SLC8A1: variants seen among roughly 807,000 people sequenced by gnomAD.
The protein encoded by SLC8A1 is solute carrier family 8 member A1.
In SLC8A1, 18 loss-of-function variants were observed where a neutral mutation model predicts 68.3. That is an observed-to-expected ratio of 0.26 (90% CI 0.18 to 0.39). The LOEUF (loss-of-function observed/expected upper bound fraction) is 0.39, where lower values mean the gene tolerates loss of function less well. SLC8A1 is among the 10% of genes least tolerant of loss of function. The probability of loss-of-function intolerance (pLI) is 1.00; values close to 1 mark genes in which losing one functional copy is unlikely to be tolerated. For synonymous variants in SLC8A1, 475 were observed against 415.5 expected, an observed-to-expected ratio of 1.14 and a Z score of -1.74; for missense variants, 985 against 1,156.7, an observed-to-expected ratio of 0.85 and a Z score of 2.15.
At chr2:40,452,597 T>C (rs1226800493), upstream of SLC8A1, among the ~76,000 whole-genome samples, 1 of 152,074 alleles carries the variant, frequency 6.6e-6, no homozygotes, top group Non-Finnish European at 1.5e-5. Flanking sequence ...CTATCTTTCT[T>C]CCCTCACTTC....
intron 2 of SLC8A1, among the ~76,000 whole-genome samples, chr2:40,200,686 A>G (rs973067483): frequency 6.6e-6 from 1 of 151,712 alleles, no homozygotes; most frequent in Non-Finnish European, 1.5e-5. Context: ...TAATAGTAAA[A>G]GGCCAAATGA....
chr2:40,499,277 G>C (rs1042222644), intron 1 of SLC8A1, among the ~76,000 whole-genome samples: 1 of 152,076 alleles, frequency 6.6e-6, no homozygotes, highest in African/African-American at 2.4e-5. Flanking sequence ...TAGCTCTACT[G>C]TAATTAGCTG....
At chr2:40,451,362 T>C (rs1702447105) in intron 1 of SLC8A1, among the ~76,000 whole-genome samples, 1 of 151,654 alleles carries the variant, frequency 6.6e-6, no homozygotes, top group African/African-American at 2.4e-5. Flanking sequence ...CCGCCACACC[T>C]CCCTCCTCTC....
chr2:40,304,560 T>C (rs1009116218), intron 2 of SLC8A1, among the ~76,000 whole-genome samples: 1 of 152,172 alleles, frequency 6.6e-6, no homozygotes, highest in African/African-American at 2.4e-5. Flanking sequence ...TGGCCTCTCC[T>C]GGGTTTGGCA....
At chr2:40,254,370 C>G (rs898857756) in intron 2 of SLC8A1, 8 of 148,688 alleles carry the variant, frequency 5.4e-5, no homozygotes, top group African/African-American at 1.5e-4. Flanking sequence ...CTTTTTCTAT[C>G]AAAATGCTCT....
intron 2 of SLC8A1, among the ~76,000 whole-genome samples, chr2:40,307,121 A>G (rs1448678146): frequency 6.6e-6 from 1 of 151,358 alleles, no homozygotes; most frequent in Non-Finnish European, 1.5e-5. Flanking sequence ...AGATAAACAG[A>G]TGACTGGCTA....
intron 2 of SLC8A1, among the ~76,000 whole-genome samples, chr2:40,186,163 T>C (rs2050663442): frequency 6.6e-6 from 1 of 152,198 alleles, no homozygotes; most frequent in Non-Finnish European, 1.5e-5. Context: ...TTGCATTGTG[T>C]TTACTATAAA....
intron 2 of SLC8A1, among the ~76,000 whole-genome samples, chr2:40,243,362 G>A (rs1022322555): frequency 1.3e-5 from 2 of 152,072 alleles, no homozygotes; most frequent in African/African-American, 4.8e-5. Context: ...GGTAGTGTCT[G>A]CGGTCCCACC....
chr2:40,330,243 G>A (rs2076278468), intron 2 of SLC8A1, among the ~76,000 whole-genome samples: 1 of 151,894 alleles, frequency 6.6e-6, no homozygotes, highest in Non-Finnish European at 1.5e-5. Context: ...GATAGTATAT[G>A]TTTTTGTCTG....
chr2:40,132,468 G>T (rs577561684), intron 7 of SLC8A1, among the ~76,000 whole-genome samples: 2 of 151,770 alleles, frequency 1.3e-5, no homozygotes, highest in African/African-American at 4.8e-5. Flanking sequence ...AGATTATGGG[G>T]CCTCTTGGAG....
intron 2 of SLC8A1, among the ~76,000 whole-genome samples, chr2:40,403,526 C>T (rs1231008955): frequency 6.6e-6 from 1 of 152,140 alleles, no homozygotes; most frequent in Non-Finnish European, 1.5e-5. Flanking sequence ...CCACACTTTC[C>T]CTGCAGGAGT....
chr2:40,296,837 A>C (rs2149252352), intron 2 of SLC8A1, among the ~76,000 whole-genome samples: 1 of 152,192 alleles, frequency 6.6e-6, no homozygotes, highest in African/African-American at 2.4e-5. Flanking sequence ...TCACCAATTA[A>C]CCTATATTTT....
chr2:40,232,443 T>A (rs535076323), intron 2 of SLC8A1, among the ~76,000 whole-genome samples: 16 of 151,570 alleles, frequency 1.1e-4, no homozygotes, highest in Non-Finnish European at 1.8e-4. Context: ...AAGGTTTATA[T>A]AGAGTGGTGT....
intron 2 of SLC8A1, among the ~76,000 whole-genome samples, chr2:40,221,063 G>A (rs1421432020): frequency 6.7e-6 from 1 of 149,144 alleles, no homozygotes; most frequent in East Asian, 1.9e-4. Flanking sequence ...ACCTGGCAGA[G>A]ACACAACAAC....
chr2:40,169,294 G>A (rs2047060832), intron 4 of SLC8A1, among the ~76,000 whole-genome samples: 1 of 152,182 alleles, frequency 6.6e-6, no homozygotes, highest in African/African-American at 2.4e-5. Flanking sequence ...AGGCGGACAA[G>A]GCCAGTGGTG....
intron 2 of SLC8A1, among the ~76,000 whole-genome samples, chr2:40,401,790 G>A (rs1688830467): frequency 6.6e-6 from 1 of 151,934 alleles, no homozygotes; most frequent in African/African-American, 2.4e-5. Flanking sequence ...TTACATTTTG[G>A]GTGTGTGGTT....
chr2:40,214,082 A>T (rs1291551717), intron 2 of SLC8A1, among the ~76,000 whole-genome samples: 1 of 152,204 alleles, frequency 6.6e-6, no homozygotes, highest in Admixed American at 6.5e-5. Flanking sequence ...GATGAGGGCT[A>T]GGAATCTGGC....
rs1168151087 is a variant in SLC8A1 at position 40,216,028 on chromosome 2, A to AT, written c.1809-38174dup. ...CAGTGTATGCTTTTTTTTTTTTACA[A>AT]TTTTTTAAAAATTTTACTTTAAACT... On this transcript the variant is annotated intron_variant, in intron 2 of 7. Coordinates refer to ENST00000406785, the Ensembl canonical transcript of SLC8A1. 1.3e-4 allele frequency among the ~76,000 whole-genome samples: 9 copies of AT among 66,804 alleles called. No homozygotes were observed. In the East Asian group the frequency reaches 2.0e-3, roughly 15 times the overall value. 43.8% of individuals were successfully genotyped at this position (66,804 alleles called of 152,430 possible). A position where few individuals can be genotyped will look rare whatever the true frequency, so the allele number is the denominator to read the frequency against.
chr2:40,271,910 G>A (rs1288598362), intron 2 of SLC8A1, among the ~76,000 whole-genome samples: 5 of 151,598 alleles, frequency 3.3e-5, no homozygotes, highest in South Asian at 4.2e-4. Context: ...TCTGTTGCCC[G>A]GGCTGGAATG....
Sources: allele counts gnomAD v4.1 joint callset (sites outside exome capture counted in the v4.1 genomes callset), GRCh38; gene constraint gnomAD v4.1.1; transcripts MANE v1.5; gene names NCBI Gene and HGNC (gene_info 2026-07-23, HGNC 2026-07-21).